NRXN3: variants seen among roughly 807,000 people sequenced by gnomAD.
NRXN3 encodes the protein neurexin III.
Under a neutral mutation model 137.6 loss-of-function variants are expected in NRXN3, and 32 were observed. The ratio of observed to expected loss-of-function variants is 0.23; its 90% CI spans 0.18 to 0.31. The LOEUF (loss-of-function observed/expected upper bound fraction) is 0.31, where lower values mean the gene tolerates loss of function less well. Ranked by LOEUF, NRXN3 falls within the 10% of genes least tolerant of loss-of-function variation. The probability of loss-of-function intolerance (pLI) is 1.00; values close to 1 mark genes in which losing one functional copy is unlikely to be tolerated. For synonymous variants in NRXN3, 798 were observed against 784.5 expected (o/e 1.02, Z -0.29); for missense variants, 1,574 against 2,062.5 (o/e 0.76, Z 4.59).
At chr14:79,705,446 C>T (rs1386666438) in intron 19 of NRXN3, among the ~76,000 whole-genome samples, 1 of 152,128 alleles carries the variant, frequency 6.6e-6, no homozygotes, top group African/African-American at 2.4e-5. Flanking sequence ...CAATTGCAAG[C>T]TTAGATTTTC....
intron 15 of NRXN3, among the ~76,000 whole-genome samples, chr14:79,139,301 A>G (rs1396083655): frequency 1.3e-5 from 2 of 152,206 alleles, no homozygotes; most frequent in Non-Finnish European, 2.9e-5. Context: ...ATCTTGTCAC[A>G]GAAGACTTCA....
At chr14:78,909,010 G>A (rs1817315898) in intron 10 of NRXN3, among the ~76,000 whole-genome samples, 1 of 152,112 alleles carries the variant, frequency 6.6e-6, no homozygotes, top group South Asian at 2.1e-4. Context: ...AGCGGAAACA[G>A]TAGCTAACAC....
At chr14:79,716,021 G>T (rs2098822473) in intron 19 of NRXN3, among the ~76,000 whole-genome samples, 1 of 152,226 alleles carries the variant, frequency 6.6e-6, no homozygotes, top group African/African-American at 2.4e-5. Flanking sequence ...CACTTAATGG[G>T]CTAAAGATAG....
At chr14:78,325,840 A>G (rs576453470) in intron 4 of NRXN3, among the ~76,000 whole-genome samples, 2 of 152,266 alleles carry the variant, frequency 1.3e-5, no homozygotes, top group East Asian at 1.9e-4. Flanking sequence ...TTGCAAATCT[A>G]TACAAATATG....
intron 10 of NRXN3, among the ~76,000 whole-genome samples, chr14:78,948,741 C>G (rs950656276): frequency 6.7e-6 from 1 of 150,274 alleles, no homozygotes; most frequent in African/African-American, 2.4e-5. Context: ...TCATTATCCT[C>G]CTAGAATTAG....
At chr14:78,965,352 C>A (rs968829231) in intron 11 of NRXN3, among the ~76,000 whole-genome samples, 1 of 152,128 alleles carries the variant, frequency 6.6e-6, no homozygotes, top group Non-Finnish European at 1.5e-5. Context: ...TTCTGATACA[C>A]CCTAAAGTGT....
rs1437598689 is a variant in NRXN3 at position 78,737,868 on chromosome 14, C to CATCTCA, written c.2044+22729_2044+22730insATCTCA. On this transcript the variant is annotated intron_variant, in intron 8 of 20. Coordinates refer to ENST00000335750, the MANE Select transcript of NRXN3 (RefSeq NM_001330195.2). Reference sequence around the variant, plus strand: ...GGCAGTGACCTGGGTATAGTAGGTACTGCTTACCTGCTATCATCTCATGCT... The same window carrying CATCTCA: ...GGCAGTGACCTGGGTATAGTAGGTACATCTCATGCTTACCTGCTATCATCTCATGCT... 2.2e-4 allele frequency among the ~76,000 whole-genome samples: 33 copies of CATCTCA among 152,190 alleles called. No individual in the cohort carries two copies. The South Asian group carries it at 6.4e-3, about 30-fold the overall frequency.
At chr14:79,854,799 G>A (rs1276353872) in intron 20 of NRXN3, among the ~76,000 whole-genome samples, 2 of 152,282 alleles carry the variant, frequency 1.3e-5, no homozygotes, top group East Asian at 3.9e-4. Flanking sequence ...TTCAGCAAAG[G>A]GGAAATAAGG....
Position 79,806,719 on chromosome 14 carries a change from GT to G in NRXN3, c.4093+1541del, listed in dbSNP as rs561269146. Among the ~76,000 whole-genome samples the G allele has an allele frequency of 1.8e-3, 252 of 137,918 alleles. 1 individual carries two copies. Among genetic ancestry groups the G allele is most frequent in the African/African-American group, 5.0e-3 (190 of 38,034 alleles). The allele number at this position is 137,918 out of a possible 152,430, so 90.5% of individuals were successfully genotyped here. A position where few individuals can be genotyped will look rare whatever the true frequency, so the allele number is the denominator to read the frequency against. On this transcript the variant is annotated intron_variant, in intron 20 of 20. Coordinates refer to ENST00000335750, the MANE Select transcript of NRXN3 (RefSeq NM_001330195.2). ...TCTAGATTTGAGTCCTTCCTATTCT[GT>G]TTTTTTTTTTTAAGAAATTAGCTGT...
Position 79,861,545 on chromosome 14 carries a change from G to A in NRXN3, c.4297G>A (p.Asp1433Asn). The A allele has an allele frequency of 1.9e-6, 3 of 1,563,018 alleles. No homozygotes were observed. The highest frequency in any genetic ancestry group is 2.6e-6 in the Non-Finnish European group (3 of 1,156,510). The change falls in exon 21 of 21, where the codon GAT becomes AAT. Residue 1433 changes from aspartate (D) to asparagine (N), a missense_variant. By Grantham distance (23) the Asp-to-Asn change is conservative. Around this residue, in one of 5 missense-constraint regions of NRXN3, gnomAD observed 320 missense variants for 387.1 expected, o/e 0.83. Coordinates refer to ENST00000335750, the MANE Select transcript of NRXN3 (RefSeq NM_001330195.2). This position sits in a 1 kb window ranked among gnomAD's most constrained non-coding sequence, Gnocchi z 5.4. ...KLPAGKMNNR[D>N]LKPQPDIVLL... ...GCCAGCTGGCAAAATGAATAACCGT[G>A]ATCTCAAACCCCAGCCTGATATAGT...
chr14:79,448,820 A>G (rs1049599714), intron 15 of NRXN3, among the ~76,000 whole-genome samples: 3 of 152,138 alleles, frequency 2.0e-5, no homozygotes, highest in Admixed American at 2.0e-4. Context: ...CTCTGATTAA[A>G]TGGGTGAACA....
chr14:78,241,453 C>T (rs2067071837), intron 1 of NRXN3, among the ~76,000 whole-genome samples: 1 of 152,078 alleles, frequency 6.6e-6, no homozygotes, highest in Non-Finnish European at 1.5e-5. Context: ...AACTCCGTCT[C>T]TACTAAAAAT....
intron 15 of NRXN3, among the ~76,000 whole-genome samples, chr14:79,185,467 A>ATT (rs10678366): frequency 0.31 from 44,762 of 144,270 alleles, 7,767 homozygotes; most frequent in Middle Eastern, 0.4. Context: ...ACACTTGGGA[A>ATT]TTTTTTTTTT....
intron 10 of NRXN3, among the ~76,000 whole-genome samples, chr14:78,835,865 T>C (rs984927978): frequency 1.9e-4 from 29 of 152,112 alleles, no homozygotes; most frequent in Admixed American, 1.8e-3. Context: ...CAGTGTTTCT[T>C]ATCTAGTAAG....
intron 20 of NRXN3, among the ~76,000 whole-genome samples, chr14:79,850,120 C>T (rs2099388665): frequency 6.6e-6 from 1 of 152,156 alleles, no homozygotes. Flanking sequence ...GATGTGGAGG[C>T]TTAACTCATG....
rs572875232 is a variant in NRXN3, at chr14:79,661,411, A to G, written c.3445-2367A>G. Among the ~76,000 whole-genome samples the G allele has an allele frequency of 7.1e-4, 108 of 152,272 alleles. No individual in the cohort carries two copies. In the Middle Eastern group the frequency reaches 0.01, roughly 14 times the overall value. On this transcript the variant is annotated intron_variant, in intron 16 of 20. Transcript: ENST00000335750. ...GATCATTCTATATTCCTCGCTTCTA[A>G]GATCAAGACTTCTGCATGACTTGTC...
chr14:79,786,517 A>G (rs549123610), intron 19 of NRXN3, among the ~76,000 whole-genome samples: 2 of 152,362 alleles, frequency 1.3e-5, no homozygotes, highest in African/African-American at 2.4e-5. Flanking sequence ...TTAAGAGTCC[A>G]GTCCAATGTA....
chr14:79,131,978 A>G (rs559444637), intron 15 of NRXN3, among the ~76,000 whole-genome samples: 1 of 152,394 alleles, frequency 6.6e-6, no homozygotes, highest in African/African-American at 2.4e-5. Context: ...TGACTAGGAA[A>G]GGGAACTCCC....
At chr14:78,839,562 G>A (rs535109521) in intron 10 of NRXN3, among the ~76,000 whole-genome samples, 1 of 152,290 alleles carries the variant, frequency 6.6e-6, no homozygotes, top group South Asian at 2.1e-4. Flanking sequence ...TGCAGATCCT[G>A]AGATGGACTG....
Sources: gnomAD v4.1 joint callset for allele counts (sites outside exome capture counted in the v4.1 genomes callset) on GRCh38, gnomAD v4.1.1 for gene constraint, gnomAD v4.1.1 regional missense constraint, Gnocchi (gnomAD v3.1) non-coding constraint, MANE v1.5 for transcripts, NCBI Gene and HGNC (gene_info 2026-07-23, HGNC 2026-07-21) for gene names.